Variants in TMEM132E observed in about 807,000 individuals in gnomAD.
TMEM132E encodes transmembrane protein 132E.
TMEM132E carries 49 observed loss-of-function variants against 78.5 expected under a neutral mutation model. The observed-to-expected ratio is 0.62, with a 90% CI of 0.50 to 0.79. The LOEUF (loss-of-function observed/expected upper bound fraction) is 0.79. Among genes scored for constraint, TMEM132E ranks in the 30% least tolerant of loss-of-function variants. The pLI, the probability that TMEM132E is intolerant of heterozygous loss-of-function variation, is 0.00. For missense variants in TMEM132E, 1,403 were observed against 1,470.9 expected (o/e 0.95, Z 0.75); for synonymous variants, 715 against 670.6 (o/e 1.07, Z -1.02).
At chr17:34,620,097 G>A (rs527916607) in intron 1 of TMEM132E, among the ~76,000 whole-genome samples, 1 of 152,352 alleles carries the variant, frequency 6.6e-6, no homozygotes, top group Admixed American at 6.5e-5. Context: ...ATGGCCAGGG[G>A]AGCCCCCACC....
chr17:34,597,321 G>A (rs1906094785), intron 1 of TMEM132E, among the ~76,000 whole-genome samples: 1 of 151,866 alleles, frequency 6.6e-6, no homozygotes, highest in Non-Finnish European at 1.5e-5. Context: ...GCACTCAGAA[G>A]CCCCTCTGAG....
intron 1 of TMEM132E, among the ~76,000 whole-genome samples, chr17:34,589,017 G>C (rs1477732712): frequency 1.3e-5 from 2 of 152,246 alleles, no homozygotes; most frequent in Non-Finnish European, 2.9e-5. Flanking sequence ...GCCTCCCAAA[G>C]TGCTGGGATT....
At position 34,583,407 on chromosome 17, in the gene TMEM132E, T is replaced by A. The variant is rs539800708; in HGVS notation, c.67+2264T>A. Among the ~76,000 whole-genome samples the A allele has an allele frequency of 2.0e-5, 3 of 152,196 alleles. No homozygotes were observed. In the East Asian group the frequency reaches 5.8e-4, roughly 29 times the overall value. On this transcript the variant is annotated intron_variant, in intron 1 of 8. Transcript: ENST00000631683. ...CAGCAGATACTTAAAACTTGGGGGATCCCCCAGATGGGTAAGGCCAGTATG... is the reference window on the plus strand; with the variant it reads ...CAGCAGATACTTAAAACTTGGGGGAACCCCCAGATGGGTAAGGCCAGTATG...
chr17:34,633,708 A>G (rs1284576381), intron 6 of TMEM132E, among the ~76,000 whole-genome samples: 2 of 152,256 alleles, frequency 1.3e-5, no homozygotes, highest in East Asian at 3.8e-4. Context: ...GATTTGGAAG[A>G]GTAAGGTGTG....
At chr17:34,598,306 G>A (rs1906121282) in intron 1 of TMEM132E, among the ~76,000 whole-genome samples, 1 of 152,096 alleles carries the variant, frequency 6.6e-6, no homozygotes, top group East Asian at 1.9e-4. Flanking sequence ...GTGCTATTGA[G>A]CCCATCAGGT....
intron 2 of TMEM132E, among the ~76,000 whole-genome samples, chr17:34,628,124 C>T (rs145756539): frequency 1.3e-5 from 2 of 152,324 alleles, no homozygotes; most frequent in East Asian, 1.9e-4. Flanking sequence ...CTACTCACCT[C>T]GCCAGCTTTT....
At chr17:34,596,919 G>A (rs566250341) in intron 1 of TMEM132E, among the ~76,000 whole-genome samples, 3 of 149,112 alleles carry the variant, frequency 2.0e-5, no homozygotes, top group African/African-American at 7.4e-5. Context: ...CTGCCTGACC[G>A]GAATCTCGAT....
rs778933204 is a variant in TMEM132E at position 34,638,118 on chromosome 17, CGAG to C, written c.3120_3122del (p.Glu1042del). On this transcript the variant is annotated inframe_deletion, in exon 9 of 9. Coordinates refer to ENST00000631683, the MANE Select transcript of TMEM132E (RefSeq NM_001304438.2). Reference sequence around the variant, plus strand: ...ACTCGGTGCCCGCGGGCGAAGAGGACGAGGAGGAGGAAGAGGACCTGGGTTGGG... The same window carrying C: ...ACTCGGTGCCCGCGGGCGAAGAGGACGAGGAGGAAGAGGACCTGGGTTGGG... 2 of 1,604,752 alleles carry C rather than the reference CGAG, an allele frequency of 1.2e-6. No individual in the cohort carries two copies. Among genetic ancestry groups the C allele is most frequent in the Non-Finnish European group, 1.7e-6 (2 of 1,176,364 alleles).
intron 1 of TMEM132E, among the ~76,000 whole-genome samples, chr17:34,625,265 A>G (rs936570537): frequency 1.3e-5 from 2 of 152,086 alleles, no homozygotes. Flanking sequence ...GTGGGTAGGG[A>G]GAGGCAGTTA....
rs369150277 is a variant in TMEM132E at position 34,637,562 on chromosome 17, C to T, written c.2555C>T (p.Pro852Leu). The T allele has an allele frequency of 1.9e-4, 309 of 1,599,578 alleles. 1 individual carries two copies. The African/African-American group carries it at 3.6e-3, about 19-fold the overall frequency. ...AGPPGSALPA[P>L]EAPGPGTASP... Reference sequence around the variant, plus strand: ...CCGCCGGGCTCTGCGCTACCCGCACCGGAGGCTCCAGGCCCGGGCACCGCC... The same window carrying T: ...CCGCCGGGCTCTGCGCTACCCGCACTGGAGGCTCCAGGCCCGGGCACCGCC... The change falls in exon 9 of 9, where the codon CCG (proline) becomes CTG (leucine). Residue 852 changes from proline to leucine, a missense_variant. Transcript: ENST00000631683.
chr17:34,638,365 C>A lies in TMEM132E; in HGVS notation c.*133C>A. 9.5e-7 allele frequency: 1 copy of A among 1,048,032 alleles called. No individual in the cohort carries two copies. The highest frequency in any genetic ancestry group is 1.3e-6 in the Non-Finnish European group (1 of 747,828). The allele number at this position is 1,048,032 out of a possible 1,614,324, so 64.9% of individuals were successfully genotyped here. On this transcript the variant is annotated 3_prime_UTR_variant, in exon 9 of 9. Transcript: ENST00000631683. Reference sequence around the variant, plus strand: ...TGTACTCCCTGCCCCTGCAGCTTGGCTCCGTGCGGAGCGGGCCGCCTCAGT... The same window carrying A: ...TGTACTCCCTGCCCCTGCAGCTTGGATCCGTGCGGAGCGGGCCGCCTCAGT...
chr17:34,616,203 G>T lies in TMEM132E; in HGVS notation c.68-9924G>T, dbSNP rs977086847. On this transcript the variant is annotated intron_variant, in intron 1 of 8. Transcript: ENST00000631683. ...GCTGCTGGGAGTCAGCAGGCAGGAGGTCTCCTGGGAGGGGATTCAGGGCAA... is the reference window on the plus strand; with the variant it reads ...GCTGCTGGGAGTCAGCAGGCAGGAGTTCTCCTGGGAGGGGATTCAGGGCAA... Among the ~76,000 whole-genome samples, 4 of 152,296 alleles carry T rather than the reference G, an allele frequency of 2.6e-5. No individual in the cohort carries two copies. In the East Asian group the frequency reaches 7.8e-4, roughly 30 times the overall value.
At chr17:34,587,291 C>T (rs752840984) in intron 1 of TMEM132E, among the ~76,000 whole-genome samples, 1 of 152,142 alleles carries the variant, frequency 6.6e-6, no homozygotes, top group Non-Finnish European at 1.5e-5. Flanking sequence ...CTGGAGCTGG[C>T]CAACCCTTAA....
chr17:34,581,103 C>G lies in TMEM132E; in HGVS notation c.27C>G (p.Gly9=). The G allele has an allele frequency of 6.5e-7, 1 of 1,539,140 alleles. No homozygotes were observed. The highest frequency in any genetic ancestry group is 8.7e-7 in the Non-Finnish European group (1 of 1,148,974). ...TGGCCCCGGGGATGTCGGGCCGCGG[C>G]GGCGCCGCCCTGCTCTGCCTCTCAG... MAPGMSGR[G]GAALLCLSAL... Residue 9 remains glycine (G), a synonymous_variant, in exon 1 of 9, where the codon GGC becomes GGG. Transcript: ENST00000631683.
intron 1 of TMEM132E, among the ~76,000 whole-genome samples, chr17:34,581,766 C>T (rs1905492262): frequency 6.6e-6 from 1 of 151,672 alleles, no homozygotes; most frequent in Non-Finnish European, 1.5e-5. Context: ...CGGTGGGCCG[C>T]GGGCCGCGCG....
chr17:34,581,665 C>T (rs1905487803), intron 1 of TMEM132E, among the ~76,000 whole-genome samples: 2 of 151,992 alleles, frequency 1.3e-5, no homozygotes, highest in African/African-American at 4.8e-5. Context: ...GCCGCCGCGG[C>T]TCGCACGCCC....
At chr17:34,618,058 T>C (rs1567717313) in intron 1 of TMEM132E, among the ~76,000 whole-genome samples, 1 of 152,238 alleles carries the variant, frequency 6.6e-6, no homozygotes, top group Non-Finnish European at 1.5e-5. Context: ...CACTATTTTG[T>C]GAACATTTTC....
intron 1 of TMEM132E, among the ~76,000 whole-genome samples, chr17:34,605,395 A>G (rs1239769512): frequency 2.0e-5 from 3 of 152,116 alleles, no homozygotes; most frequent in African/African-American, 4.8e-5. Context: ...CTTCCAGGCT[A>G]GCTTCTATGG....
Position 34,634,799 on chromosome 17 carries a change from G to A in TMEM132E, c.1689G>A (p.Arg563=). 6.2e-7 allele frequency: 1 copy of A among 1,611,522 alleles called. No individual in the cohort carries two copies. The highest frequency in any genetic ancestry group is 8.5e-7 in the Non-Finnish European group (1 of 1,178,716). Residue 563 remains arginine, a splice_region_variant and synonymous_variant, in exon 7 of 9, where the codon AGG becomes AGA. Transcript: ENST00000631683. ...TCAGCATGGCATGTCCCCACCCCAG[G>A]TCAGTCCGGGAAAGCGAGGATGAGG... is the stretch of plus-strand genomic sequence containing the variant. ...GWRVPILPDR[R]SVRESEDEDE...
Sources: gnomAD v4.1 joint callset for allele counts (sites outside exome capture counted in the v4.1 genomes callset) on GRCh38, gnomAD v4.1.1 for gene constraint, MANE v1.5 for transcripts, NCBI Gene and HGNC (gene_info 2026-07-23, HGNC 2026-07-21) for gene names.